Variants in SRGAP2 observed in about 807,000 individuals in gnomAD.
The protein encoded by SRGAP2 is SLIT-ROBO Rho GTPase-activating protein 2.
A neutral mutation model predicts 57.2 loss-of-function variants in SRGAP2; 15 were observed. That is an observed-to-expected ratio of 0.26 (90% CI 0.18 to 0.40). The LOEUF (loss-of-function observed/expected upper bound fraction) is 0.40, where lower values mean the gene tolerates loss of function less well. Among genes scored for constraint, SRGAP2 ranks in the 10% least tolerant of loss-of-function variants. SRGAP2 has a pLI of 1.00. For synonymous variants in SRGAP2, 249 were observed against 248.0 expected (o/e 1.00, Z -0.04); for missense variants, 520 against 669.6 (o/e 0.78, Z 2.47).
intron 4 of SRGAP2, among the ~76,000 whole-genome samples, chr1:206,372,907 CT>C (rs1301297687): frequency 1.8e-4 from 1 of 5,592 alleles, no homozygotes; most frequent in African/African-American, 2.7e-3. Context: ...TCCTTTCTTT[CT>C]TTCTTTCTTT....
chr1:206,457,425 G>T (rs556875378), intron 21 of SRGAP2, among the ~76,000 whole-genome samples: 1 of 152,210 alleles, frequency 6.6e-6, no homozygotes, highest in Non-Finnish European at 1.5e-5. Flanking sequence ...GGAGGGAGGG[G>T]TCCATTCTTC....
chr1:206,364,397 G>A (rs1271976355), intron 4 of SRGAP2, among the ~76,000 whole-genome samples: 4 of 150,434 alleles, frequency 2.7e-5, no homozygotes, highest in African/African-American at 7.4e-5. Flanking sequence ...CGCCTCCCAG[G>A]TTCAAGTGAT....
At chr1:206,241,839 G>T (rs1553309257) in intron 2 of SRGAP2, among the ~76,000 whole-genome samples, 1 of 151,172 alleles carries the variant, frequency 6.6e-6, no homozygotes, top group African/African-American at 2.4e-5. Context: ...AGAAATGATT[G>T]CTCTATGGAT....
chr1:206,286,717 C>T (rs1215002691), intron 2 of SRGAP2, among the ~76,000 whole-genome samples: 2 of 151,904 alleles, frequency 1.3e-5, no homozygotes, highest in Non-Finnish European at 2.9e-5. Context: ...GAGCAGAGAG[C>T]TCAATGAAGT....
At chr1:206,446,443 T>C (rs1553373870) in intron 18 of SRGAP2, 144 bp downstream of exon 18, 1 of 639,032 alleles carries the variant, frequency 1.6e-6, no homozygotes, top group African/African-American at 1.8e-5. Flanking sequence ...GGGGATGCTA[T>C]AGGCAGCCCC....
chr1:206,427,218 C>G (rs545394053), intron 13 of SRGAP2, among the ~76,000 whole-genome samples: 9 of 152,260 alleles, frequency 5.9e-5, no homozygotes, highest in Non-Finnish European at 1.0e-4. Flanking sequence ...TAACAGAAGT[C>G]TGTAAACATA....
chr1:206,436,942 A>G (rs782229715), intron 14 of SRGAP2, 23 bp from the exon 15 acceptor site: 2 of 780,506 alleles, frequency 2.6e-6, no homozygotes, highest in African/African-American at 1.7e-5. Flanking sequence ...CTTCTTCTTG[A>G]TCACTTTTCT....
rs1178462332 is a variant in SRGAP2 at position 206,275,724 on chromosome 1, C to G, written c.68-27557C>G. Among the ~76,000 whole-genome samples the G allele has an allele frequency of 6.0e-5, 9 of 150,536 alleles. No individual in the cohort carries two copies. The East Asian group carries it at 1.4e-3, about 23-fold the overall frequency. The stretch of plus-strand genomic sequence containing the variant: ...CCGCCTCTCCCGGGTTCAAGTGATT[C>G]TCCTGCCTCAGCCTCCCAAGTAGCT... On this transcript the variant is annotated intron_variant, in intron 2 of 22. Transcript: ENST00000573034.
At chr1:206,290,500 G>A (rs1671250784) in intron 2 of SRGAP2, among the ~76,000 whole-genome samples, 1 of 151,594 alleles carries the variant, frequency 6.6e-6, no homozygotes, top group African/African-American at 2.4e-5. Flanking sequence ...AAATTGGCCC[G>A]GCGTGGTGGC....
chr1:206,333,475 C>T (rs1336427353), intron 3 of SRGAP2: 145 of 1,491,340 alleles, frequency 9.7e-5, no homozygotes, highest in Middle Eastern at 4.7e-4. Context: ...CGGGGCGAGG[C>T]GAAGGTCTCT....
At chr1:206,455,379 T>A in intron 21 of SRGAP2, 1 of 276,208 alleles carries the variant, frequency 3.6e-6, no homozygotes, top group Non-Finnish European at 7.0e-6. Context: ...TTCTCAGAGG[T>A]GCCTTCTTTT....
rs79389222 is a variant in SRGAP2 at position 206,444,844 on chromosome 1, C to T, written c.1875-1231C>T. ...TGCTGGCCTCTCCTGCATTTGATTC[C>T]AGGCTCTAGAGAACAGTGATTCTCA... On this transcript the variant is annotated intron_variant, in intron 17 of 22. Transcript: ENST00000573034. 9.1e-3 allele frequency among the ~76,000 whole-genome samples: 1,387 copies of T among 152,276 alleles called. 21 individuals are homozygous for T. Among genetic ancestry groups the T allele is most frequent in the African/African-American group, 0.032 (1,325 of 41,536 alleles).
chr1:206,339,299 T>G (rs1272643769), intron 3 of SRGAP2, among the ~76,000 whole-genome samples: 2 of 152,098 alleles, frequency 1.3e-5, no homozygotes, highest in Admixed American at 6.5e-5. Context: ...GAACCCAGCC[T>G]AGGCCCTTGA....
At chr1:206,384,448 C>A (rs139637295) in intron 5 of SRGAP2, among the ~76,000 whole-genome samples, 1 of 150,148 alleles carries the variant, frequency 6.7e-6, no homozygotes, top group African/African-American at 2.5e-5. Context: ...ATGTGCCTGT[C>A]GGAAAGCCTT....
At chr1:206,234,396 A>ACTCC (rs1340960846) in intron 2 of SRGAP2, among the ~76,000 whole-genome samples, 1 of 151,960 alleles carries the variant, frequency 6.6e-6, no homozygotes, top group Non-Finnish European at 1.5e-5. Context: ...TTTGCCCTGT[A>ACTCC]CTCCCCAGTG....
intron 4 of SRGAP2, among the ~76,000 whole-genome samples, chr1:206,370,196 G>C (rs1654398520): frequency 1.3e-5 from 2 of 152,204 alleles, no homozygotes; most frequent in African/African-American, 4.8e-5. Flanking sequence ...AACCCAGGAG[G>C]CGGAGCTTGC....
At chr1:206,435,322 T>C (rs530619052) in intron 14 of SRGAP2, among the ~76,000 whole-genome samples, 1 of 152,332 alleles carries the variant, frequency 6.6e-6, no homozygotes, top group East Asian at 1.9e-4. Context: ...CCATTTTGTT[T>C]TCCTAAAATA....
chr1:206,398,743 A>G, intron 7 of SRGAP2, among the ~76,000 whole-genome samples: 1 of 152,170 alleles, frequency 6.6e-6, no homozygotes, highest in Non-Finnish European at 1.5e-5. Context: ...CATAGAATGA[A>G]GAAGCGTATT....
chr1:206,290,702 C>T (rs1671269504), intron 2 of SRGAP2, among the ~76,000 whole-genome samples: 1 of 147,874 alleles, frequency 6.8e-6, no homozygotes, highest in African/African-American at 2.5e-5. Flanking sequence ...ATATAATGTA[C>T]CAGGAATTAT....
Sources: allele counts gnomAD v4.1 joint callset (sites outside exome capture counted in the v4.1 genomes callset), GRCh38; gene constraint gnomAD v4.1.1; transcripts MANE v1.5; gene names NCBI Gene and HGNC (gene_info 2026-07-23, HGNC 2026-07-21).